CPLANE2: variants seen among roughly 807,000 people sequenced by gnomAD.
The protein encoded by CPLANE2 is ciliogenesis and planar polarity effector complex subunit 2.
Under a neutral mutation model 20.9 loss-of-function variants are expected in CPLANE2, and 24 were observed. That is an observed-to-expected ratio of 1.15 (90% confidence interval 0.83 to 1.61). The LOEUF (loss-of-function observed/expected upper bound fraction) is 1.61, where lower values mean the gene tolerates loss of function less well. Among genes scored for constraint, CPLANE2 ranks in the 40% most tolerant of loss-of-function variants. The pLI, the probability that CPLANE2 is intolerant of heterozygous loss-of-function variation, is 0.00. For synonymous variants in CPLANE2, 132 were observed against 144.3 expected, an observed-to-expected ratio of 0.92 and a Z score of 0.61; for missense variants, 330 against 355.1, an observed-to-expected ratio of 0.93 and a Z score of 0.57.
intron 2 of CPLANE2, 73 bp from the exon 3 acceptor site, chr1:16,233,090 A>C: frequency 6.4e-7 from 1 of 1,563,366 alleles, no homozygotes; most frequent in Admixed American, 1.7e-5. Flanking sequence ...CCAGGAAGGA[A>C]TAGGAAGAAG....
In CPLANE2 at chr1:16,232,429, G is replaced by A. The variant is rs138173598; in HGVS notation, c.527+81C>T. On this transcript the variant is annotated intron_variant, in intron 4 of 4. Coordinates refer to ENST00000375599, the MANE Select transcript of CPLANE2 (RefSeq NM_030907.4). ...GCTGTACCCTTTAAGTAAAAGCCCA[G>A]GTGCTGAATTCCATGCCTGGGCAGA... The A allele has an allele frequency of 2.7e-5, 42 of 1,569,226 alleles. No homozygotes were observed. In the Middle Eastern group the frequency reaches 7.6e-4, roughly 28 times the overall value.
rs1171564864 is a variant in CPLANE2 at position 16,232,568 on chromosome 1, G to C, written c.469C>G (p.Gln157Glu). Residue 157 changes from glutamine to glutamate, a missense_variant, in exon 4 of 5, where the codon CAG becomes GAG. By Grantham distance (29) the Gln-to-Glu change is conservative (BLOSUM62 2). Coordinates refer to ENST00000375599, the MANE Select transcript of CPLANE2 (RefSeq NM_030907.4). Reference sequence around the variant, plus strand: ...GCCTCACCTGCTATGCGGGCCAGCTGTCCAGGGAGGTCTTCAAAGGAGGCA... The same window carrying C: ...GCCTCACCTGCTATGCGGGCCAGCTCTCCAGGGAGGTCTTCAAAGGAGGCA... ...DRASFEDLPGQLARIAGEAPG... is the reference protein window; with the variant it reads ...DRASFEDLPGELARIAGEAPG... 2 of 1,614,062 alleles carry C rather than the reference G, an allele frequency of 1.2e-6. No homozygotes were observed. Among genetic ancestry groups the C allele is most frequent in the African/African-American group, 2.7e-5 (2 of 74,932 alleles).
At chr1:16,236,500 G>A (rs2081466535) in intron 1 of CPLANE2, 131 bp downstream of exon 1, 2 of 692,310 alleles carry the variant, frequency 2.9e-6, no homozygotes, top group Non-Finnish European at 5.1e-6. Context: ...CCAGGCTGAA[G>A]ACTGCTGAAG....
In CPLANE2 at chr1:16,236,698, C is replaced by A; in HGVS notation, c.45G>T (p.Trp15Cys). ...ACTCCTTGCCCTCGGCACTCTCGTG[C>A]CAGTTTGGGACAACCACCGAACCGG... ...PVPGSVVVPN[W>C]HESAEGKEYL... Residue 15 changes from tryptophan to cysteine, a missense_variant, in exon 1 of 5, where the codon TGG (tryptophan) becomes TGT (cysteine). Coordinates refer to ENST00000375599, the MANE Select transcript of CPLANE2 (RefSeq NM_030907.4). 6.4e-7 allele frequency: 1 copy of A among 1,562,148 alleles called. No individual in the cohort carries two copies. The highest frequency in any genetic ancestry group is 8.7e-7 in the Non-Finnish European group (1 of 1,151,732).
Position 16,232,146 on chromosome 1 carries a change from C to G in CPLANE2, c.679G>C (p.Val227Leu). The change falls in exon 5 of 5, where the codon GTT becomes CTT. Residue 227 changes from valine (V) to leucine (L), a missense_variant. By Grantham distance (32) the Val-to-Leu change is conservative. Coordinates refer to ENST00000375599, the MANE Select transcript of CPLANE2 (RefSeq NM_030907.4). ...TLDGRAGLAD[V>L]AHILNGLAEQ... Reference sequence around the variant, plus strand: ...GCAAGGCCATTGAGTATGTGGGCAACGTCGGCCAGCCCAGCCCGCCCGTCC... The same window carrying G: ...GCAAGGCCATTGAGTATGTGGGCAAGGTCGGCCAGCCCAGCCCGCCCGTCC... 1 of 1,613,446 alleles carries G rather than the reference C, an allele frequency of 6.2e-7. No homozygotes were observed. Among genetic ancestry groups the G allele is most frequent in the Non-Finnish European group, 8.5e-7 (1 of 1,179,994 alleles).
rs770699640 is a variant in CPLANE2, at chr1:16,232,293, C to T, written c.532G>A (p.Asp178Asn). 6.9e-6 allele frequency: 11 copies of T among 1,604,854 alleles called. No homozygotes were observed. In the South Asian group the frequency reaches 1.2e-4, roughly 18 times the overall value. The change falls in exon 5 of 5, where the codon GAC (aspartate) becomes AAC (asparagine). Residue 178 changes from aspartate to asparagine, a missense_variant. Coordinates refer to ENST00000375599, the MANE Select transcript of CPLANE2 (RefSeq NM_030907.4). ...GGCACGTCCGTGTGCATGTACTGGTCAAATCTGGAGGAGGGTCAAGGAGCC... is the reference window on the plus strand; with the variant it reads ...GGCACGTCCGTGTGCATGTACTGGTTAAATCTGGAGGAGGGTCAAGGAGCC... ...VVRMVIGSKF[D>N]QYMHTDVPER...
intron 1 of CPLANE2, 73 bp downstream of exon 1, chr1:16,236,558 G>A (rs1569780478): frequency 8.3e-7 from 1 of 1,203,886 alleles, no homozygotes; most frequent in East Asian, 2.6e-5. Flanking sequence ...GCTCTCCTCA[G>A]GGAGCAACAG....
Position 16,233,714 on chromosome 1 carries a change from TGG to T in CPLANE2, c.161_162del (p.Ala54GlufsTer59). ...VLLPPVSIDTASYKIFVSGKS... is the reference protein window; with the variant it reads ...VLLPPVSIDTXSYKIFVSGKS... ...TTCCCGGACACAAAGATCTTGTAGCTGGCAGTGTCAATGGACACAGGCGGCAG... is the reference window on the plus strand; with the variant it reads ...TTCCCGGACACAAAGATCTTGTAGCTCAGTGTCAATGGACACAGGCGGCAG... On this transcript the variant is annotated frameshift_variant, in exon 2 of 5. Coordinates refer to ENST00000375599, the MANE Select transcript of CPLANE2 (RefSeq NM_030907.4). LOFTEE classifies it high-confidence loss of function. The T allele has an allele frequency of 6.2e-7, 1 of 1,614,140 alleles. No individual in the cohort carries two copies. Among genetic ancestry groups the T allele is most frequent in the Non-Finnish European group, 8.5e-7 (1 of 1,180,036 alleles).
chr1:16,233,075 G>A (rs2081436405), intron 2 of CPLANE2, 58 bp from the exon 3 acceptor site: 1 of 1,598,410 alleles, frequency 6.3e-7, no homozygotes, highest in Non-Finnish European at 8.6e-7. Context: ...GGGAGGAATA[G>A]GGGACCAGGA....
Position 16,236,629 on chromosome 1 carries a change from AC to A in CPLANE2, c.112+1del. On this transcript the variant is annotated splice_donor_variant, in intron 1 of 4. Coordinates refer to ENST00000375599, the MANE Select transcript of CPLANE2 (RefSeq NM_030907.4). LOFTEE classifies it high-confidence loss of function. ...GGCTAGAGGAAAGGGGGAGGCACTT[AC>A]CAAACACCCGCCGGCGGTTCTTGCG... is the stretch of plus-strand genomic sequence containing the variant. 1 of 1,552,310 alleles carries A rather than the reference AC, an allele frequency of 6.4e-7. No individual in the cohort carries two copies. The highest frequency in any genetic ancestry group is 1.2e-5 in the South Asian group (1 of 84,200).
chr1:16,232,661 G>A lies in CPLANE2; in HGVS notation c.391-15C>T, dbSNP rs768883840. ...TCCATGCAAGCCTGGTGATGGAGAG[G>A]CATATAACCATGTCACCCCCCATCA... is the stretch of plus-strand genomic sequence containing the variant. On this transcript the variant is annotated splice_polypyrimidine_tract_variant and intron_variant, in intron 3 of 4. Transcript: ENST00000375599. 2.0e-5 allele frequency: 33 copies of A among 1,613,498 alleles called. No individual in the cohort carries two copies. Among genetic ancestry groups the A allele is most frequent in the Admixed American group, 1.0e-4 (6 of 59,942 alleles).
chr1:16,232,153 C>G lies in CPLANE2; in HGVS notation c.672G>C (p.Leu224=). ...DGRTLDGRAG[L]ADVAHILNGL... ...CATTGAGTATGTGGGCAACGTCGGC[C>G]AGCCCAGCCCGCCCGTCCAGTGTGC... is the stretch of plus-strand genomic sequence containing the variant. Residue 224 remains leucine, a synonymous_variant, in exon 5 of 5, where the codon CTG becomes CTC. Transcript: ENST00000375599. The G allele has an allele frequency of 1.8e-5, 29 of 1,613,354 alleles. No homozygotes were observed. Among genetic ancestry groups the G allele is most frequent in the Non-Finnish European group, 2.4e-5 (28 of 1,179,978 alleles).
rs756140562 is a variant in CPLANE2 at position 16,232,025 on chromosome 1, G to A, written c.*23C>T. ...GTCGAGACCTGAGGGTTGGGGGTGGGATCACAGGCAACCACTCGTGACTCA... is the reference window on the plus strand; with the variant it reads ...GTCGAGACCTGAGGGTTGGGGGTGGAATCACAGGCAACCACTCGTGACTCA... On this transcript the variant is annotated 3_prime_UTR_variant, in exon 5 of 5. Coordinates refer to ENST00000375599, the MANE Select transcript of CPLANE2 (RefSeq NM_030907.4). 19 of 1,603,982 alleles carry A rather than the reference G, an allele frequency of 1.2e-5. No individual in the cohort carries two copies. The highest frequency in any genetic ancestry group is 3.3e-5 in the Admixed American group (2 of 59,794).
Position 16,236,719 on chromosome 1 carries a change from AC to A in CPLANE2, c.23del (p.Gly8ValfsTer154). ...CGTGCCAGTTTGGGACAACCACCGA[AC>A]CGGGCACGGGAGGTCTGGCCATGGC... Reference protein sequence around the residue: MARPPVPGSVVVPNWHES... With the variant: MARPPVPXSVVVPNWHES... On this transcript the variant is annotated frameshift_variant, in exon 1 of 5. Coordinates refer to ENST00000375599, the MANE Select transcript of CPLANE2 (RefSeq NM_030907.4). LOFTEE classifies it high-confidence loss of function. The A allele has an allele frequency of 1.3e-6, 2 of 1,558,060 alleles. No individual in the cohort carries two copies. Among genetic ancestry groups the A allele is most frequent in the Non-Finnish European group, 1.7e-6 (2 of 1,149,836 alleles).
At chr1:16,235,682 T>C (rs2081459341) in intron 1 of CPLANE2, among the ~76,000 whole-genome samples, 2 of 149,588 alleles carry the variant, frequency 1.3e-5, no homozygotes, top group African/African-American at 5.0e-5. Context: ...AGGGTCTTTT[T>C]TTTTTTTTTT....
In CPLANE2 at chr1:16,236,785, G is replaced by C. The variant is rs1273215706; in HGVS notation, c.-43C>G. 6 of 1,407,606 alleles carry C rather than the reference G, an allele frequency of 4.3e-6. No homozygotes were observed. The highest frequency in any genetic ancestry group is 1.4e-5 in the African/African-American group (1 of 70,226). The allele number at this position is 1,407,606 out of a possible 1,614,324, so 87.2% of individuals were successfully genotyped here. On this transcript the variant is annotated 5_prime_UTR_variant, in exon 1 of 5. Transcript: ENST00000375599. ...GGGTAGGGAGGTGACAGAATGCTGAGAGCAGGGAGTGGGAAGGGGAGTGAC... is the reference window on the plus strand; with the variant it reads ...GGGTAGGGAGGTGACAGAATGCTGACAGCAGGGAGTGGGAAGGGGAGTGAC...
Position 16,232,992 on chromosome 1 carries a change from C to T in CPLANE2, c.291G>A (p.Trp97Ter). 1 of 1,614,162 alleles carries T rather than the reference C, an allele frequency of 6.2e-7. No individual in the cohort carries two copies. The highest frequency in any genetic ancestry group is 8.5e-7 in the Non-Finnish European group (1 of 1,180,032). ...TTGIQTTVVFWPAKLQASSRV... is the reference protein window; with the variant it reads ...TTGIQTTVVF ...GGCTGCTGGCCTGCAGCTTGGCTGG[C>T]CAAAATACCACGGTGGTCTGGATGC... The change falls in exon 3 of 5, where the codon TGG (tryptophan) becomes TGA (stop). Residue 97 changes from tryptophan to a stop codon, truncating the protein, a stop_gained. Transcript: ENST00000375599. LOFTEE classifies it high-confidence loss of function.
chr1:16,231,844 G>C lies in CPLANE2; in HGVS notation c.*204C>G. ...GGGGGAAAGGCCACGGGAGATGTTC[G>C]AGCTCAGGGCCTTGGTCCCCACCTC... On this transcript the variant is annotated 3_prime_UTR_variant, in exon 5 of 5. Coordinates refer to ENST00000375599, the MANE Select transcript of CPLANE2 (RefSeq NM_030907.4). 1.4e-6 allele frequency: 1 copy of C among 690,696 alleles called. No homozygotes were observed. The allele number at this position is 690,696 out of a possible 1,614,324, so 42.8% of individuals were successfully genotyped here. A position where few individuals can be genotyped will look rare whatever the true frequency, so the allele number is the denominator to read the frequency against.
chr1:16,236,809 A>T lies in CPLANE2; in HGVS notation c.-67T>A. The stretch of plus-strand genomic sequence containing the variant: ...AGAGCAGGGAGTGGGAAGGGGAGTG[A>T]CAGTACCAAGCCGGGCCTGTGATCC... On this transcript the variant is annotated 5_prime_UTR_variant, in exon 1 of 5. Coordinates refer to ENST00000375599, the MANE Select transcript of CPLANE2 (RefSeq NM_030907.4). The T allele has an allele frequency of 8.1e-7, 1 of 1,227,800 alleles. No homozygotes were observed. The highest frequency in any genetic ancestry group is 1.2e-6 in the Non-Finnish European group (1 of 854,356). 76.1% of individuals were successfully genotyped at this position (1,227,800 alleles called of 1,614,324 possible).
Sources: allele counts gnomAD v4.1 joint callset (sites outside exome capture counted in the v4.1 genomes callset), GRCh38; gene constraint gnomAD v4.1.1; transcripts MANE v1.5; gene names NCBI Gene and HGNC (gene_info 2026-07-23, HGNC 2026-07-21).